FAM171A1: variants seen among roughly 807,000 people sequenced by gnomAD.
The protein encoded by FAM171A1 is protein FAM171A1.
In FAM171A1, 23 loss-of-function variants were observed where a neutral mutation model predicts 74.9. That is an observed-to-expected ratio of 0.31 (90% CI 0.22 to 0.44). FAM171A1 has a LOEUF of 0.44. Ranked by LOEUF, FAM171A1 falls within the 20% of genes least tolerant of loss-of-function variation. The pLI is 1.00. For missense variants in FAM171A1, 1,162 were observed against 1,159.2 expected (o/e 1.00, Z -0.03); for synonymous variants, 527 against 505.7 (o/e 1.04, Z -0.57).
upstream of FAM171A1, among the ~76,000 whole-genome samples, chr10:15,372,111 A>AC (rs906493463): frequency 2.0e-5 from 3 of 152,114 alleles, no homozygotes; most frequent in East Asian, 5.8e-4. Context: ...GTTCTTGGTA[A>AC]ACTGACTTAG....
chr10:15,372,171 TAGA>T (rs1363807258), upstream of FAM171A1, among the ~76,000 whole-genome samples: 16 of 152,260 alleles, frequency 1.1e-4, no homozygotes, highest in East Asian at 3.1e-3. Flanking sequence ...CAACTGAGCC[TAGA>T]AGAAGGTTCC....
In FAM171A1 at chr10:15,312,694, T is replaced by G. The variant is rs1397129297; in HGVS notation, c.98-28589A>C. On this transcript the variant is annotated intron_variant, in intron 1 of 7. Transcript: ENST00000378116. ...GTGTGTTTTTTTTTTTTTTTTTTTT[T>G]TTTTTTTTTTTTTTTTTTTTGAGAC... Among the ~76,000 whole-genome samples, 444 of 119,604 alleles carry G rather than the reference T, an allele frequency of 3.7e-3. 4 individuals carry two copies. The highest frequency in any genetic ancestry group is 5.8e-3 in the Non-Finnish European group (335 of 57,562). The allele number at this position is 119,604 out of a possible 152,430, so 78.5% of individuals were successfully genotyped here. A position where few individuals can be genotyped will look rare whatever the true frequency, so the allele number is the denominator to read the frequency against.
intron 1 of FAM171A1, among the ~76,000 whole-genome samples, chr10:15,286,580 C>T (rs893413581): frequency 2.0e-5 from 3 of 152,150 alleles, no homozygotes; most frequent in South Asian, 2.1e-4. Flanking sequence ...CCGCGCCTGG[C>T]CTGAGTATTA....
chr10:15,305,664 T>TAAAAAAAAAAAAA (rs59843893), intron 1 of FAM171A1, among the ~76,000 whole-genome samples: 2 of 52,930 alleles, frequency 3.8e-5, no homozygotes, highest in African/African-American at 7.4e-5. Context: ...GAGATCTGGC[T>TAAAAAAAAAAAAA]AAAAAAAAAA....
intron 5 of FAM171A1, chr10:15,240,874 T>G: frequency 8.2e-5 from 22 of 269,366 alleles, no homozygotes; most frequent in South Asian, 2.8e-4. Flanking sequence ...ACCCTATCTC[T>G]ACAAAAAAAA....
At chr10:15,222,439 T>G (rs568416602) in intron 5 of FAM171A1, among the ~76,000 whole-genome samples, 1 of 152,174 alleles carries the variant, frequency 6.6e-6, no homozygotes, top group Non-Finnish European at 1.5e-5. Flanking sequence ...CTGAATACCA[T>G]AGGCCACCGT....
chr10:15,362,226 G>A (rs1836003081), intron 1 of FAM171A1, among the ~76,000 whole-genome samples: 1 of 152,162 alleles, frequency 6.6e-6, no homozygotes, highest in Non-Finnish European at 1.5e-5. Context: ...TCCCAGTGAC[G>A]ATGAAAATCA....
chr10:15,372,698 C>A (rs76490469), upstream of FAM171A1, among the ~76,000 whole-genome samples: 950 of 88,380 alleles, frequency 0.011, no homozygotes, highest in South Asian at 0.013. Context: ...GACCCCGTCT[C>A]AAAAAAAAAA....
intron 5 of FAM171A1, among the ~76,000 whole-genome samples, chr10:15,227,297 G>C (rs191026346): frequency 4.6e-5 from 7 of 151,744 alleles, no homozygotes; most frequent in Middle Eastern, 6.9e-3. Context: ...CACTGCACCC[G>C]GCCGGAACAG....
chr10:15,347,111 G>A (rs1588565020), intron 1 of FAM171A1, among the ~76,000 whole-genome samples: 1 of 152,124 alleles, frequency 6.6e-6, no homozygotes, highest in African/African-American at 2.4e-5. Context: ...CTGCATCTCT[G>A]AGCAACAATA....
At chr10:15,253,640 T>A (rs982605406) in intron 4 of FAM171A1, among the ~76,000 whole-genome samples, 2 of 152,216 alleles carry the variant, frequency 1.3e-5, no homozygotes, top group African/African-American at 4.8e-5. Context: ...TCAGTTTATG[T>A]AAAGCACTGG....
At chr10:15,334,829 C>T (rs1447582381) in intron 1 of FAM171A1, among the ~76,000 whole-genome samples, 1 of 152,208 alleles carries the variant, frequency 6.6e-6, no homozygotes, top group Non-Finnish European at 1.5e-5. Flanking sequence ...GCTGAATACA[C>T]TTTATGCTAC....
rs865810896 is a variant in FAM171A1, at chr10:15,229,788, A to C, written c.755-8728T>G. Among the ~76,000 whole-genome samples the C allele has an allele frequency of 3.1e-4, 11 of 36,024 alleles. 1 individual carries two copies. Among genetic ancestry groups the C allele is most frequent in the African/African-American group, 1.4e-3 (10 of 6,998 alleles). The allele number at this position is 36,024 out of a possible 152,430, so 23.6% of individuals were successfully genotyped here. A position where few individuals can be genotyped will look rare whatever the true frequency, so the allele number is the denominator to read the frequency against. On this transcript the variant is annotated intron_variant, in intron 5 of 7. Coordinates refer to ENST00000378116, the MANE Select transcript of FAM171A1 (RefSeq NM_001010924.2). Reference sequence around the variant, plus strand: ...CACCATCACCATCATCACCATCACCACCATCACCATCATCACCATCACCAC... The same window carrying C: ...CACCATCACCATCATCACCATCACCCCCATCACCATCATCACCATCACCAC...
chr10:15,248,520 G>T, intron 5 of FAM171A1, 119 bp downstream of exon 5: 1 of 1,065,084 alleles, frequency 9.4e-7, no homozygotes, highest in Non-Finnish European at 1.3e-6. Context: ...ACAATGCAAT[G>T]TGAGCAGCAG....
intron 1 of FAM171A1, among the ~76,000 whole-genome samples, chr10:15,310,787 G>A (rs781351216): frequency 6.6e-6 from 1 of 151,770 alleles, no homozygotes; most frequent in Non-Finnish European, 1.5e-5. Flanking sequence ...TTTGAACCAG[G>A]AAGGCAGAAG....
chr10:15,314,468 T>C (rs929476023), intron 1 of FAM171A1, among the ~76,000 whole-genome samples: 2 of 152,122 alleles, frequency 1.3e-5, no homozygotes, highest in Non-Finnish European at 2.9e-5. Flanking sequence ...ATCAAGTCCA[T>C]TGTATAAGGA....
chr10:15,320,305 C>A (rs1206119271), intron 1 of FAM171A1, among the ~76,000 whole-genome samples: 2 of 152,226 alleles, frequency 1.3e-5, no homozygotes, highest in Non-Finnish European at 2.9e-5. Context: ...TGATTTCATT[C>A]TTTTTAACGG....
chr10:15,288,770 G>A (rs1393811326), intron 1 of FAM171A1, among the ~76,000 whole-genome samples: 1 of 148,738 alleles, frequency 6.7e-6, no homozygotes, highest in Non-Finnish European at 1.5e-5. Flanking sequence ...TTCTTCGCTT[G>A]GTATGATCAG....
At chr10:15,365,389 T>C (rs552138319) in intron 1 of FAM171A1, among the ~76,000 whole-genome samples, 2 of 152,302 alleles carry the variant, frequency 1.3e-5, no homozygotes, top group South Asian at 2.1e-4. Context: ...TGACATCAAC[T>C]AAAGATGCGA....
Sources: allele counts gnomAD v4.1 joint callset (sites outside exome capture counted in the v4.1 genomes callset), GRCh38; gene constraint gnomAD v4.1.1; transcripts MANE v1.5; gene names NCBI Gene and HGNC (gene_info 2026-07-23, HGNC 2026-07-21).